HIVEP1: variants seen among roughly 807,000 people sequenced by gnomAD.
The protein encoded by HIVEP1 is zinc finger protein 40.
HIVEP1 carries 36 observed loss-of-function variants against 180.0 expected under a neutral mutation model. The observed-to-expected ratio is 0.20, with a 90% confidence interval of 0.15 to 0.26. The LOEUF is 0.26. Ranked by LOEUF, HIVEP1 falls within the 10% of genes least tolerant of loss-of-function variation. The pLI is 1.00. For missense variants in HIVEP1, 3,143 were observed against 3,268.7 expected, an observed-to-expected ratio of 0.96 and a Z score of 0.94; for synonymous variants, 1,239 against 1,239.0, an observed-to-expected ratio of 1.00 and a Z score of 0.00.
chr6:12,040,851 C>T (rs1460318647), intron 2 of HIVEP1, among the ~76,000 whole-genome samples: 1 of 150,248 alleles, frequency 6.7e-6, no homozygotes, highest in African/African-American at 2.5e-5. Context: ...GTAGGCACAT[C>T]GCATGGCAAG....
intron 7 of HIVEP1, among the ~76,000 whole-genome samples, chr6:12,143,685 A>G (rs1486274922): frequency 1.3e-5 from 2 of 152,264 alleles, no homozygotes; most frequent in African/African-American, 2.4e-5. Context: ...AACTTCAGCA[A>G]AGTCTCAGGA....
chr6:12,010,197 A>C (rs1396531572), upstream of HIVEP1, among the ~76,000 whole-genome samples: 1 of 152,248 alleles, frequency 6.6e-6, no homozygotes, highest in African/African-American at 2.4e-5. Context: ...AATGAAAATA[A>C]AAATTGCATT....
chr6:12,045,443 G>C (rs1307341817), intron 2 of HIVEP1, among the ~76,000 whole-genome samples: 1 of 152,240 alleles, frequency 6.6e-6, no homozygotes, highest in African/African-American at 2.4e-5. Context: ...CATCTCATGA[G>C]TTGGGCACAT....
chr6:12,072,166 G>GCT (rs1772016091), intron 2 of HIVEP1, among the ~76,000 whole-genome samples: 1 of 151,892 alleles, frequency 6.6e-6, no homozygotes, highest in Admixed American at 6.6e-5. Flanking sequence ...GGACCATGGT[G>GCT]CTCTGTCCCC....
chr6:12,124,302 G>A lies in HIVEP1; in HGVS notation c.4507G>A (p.Val1503Ile), dbSNP rs35413478. The A allele has an allele frequency of 2.1e-3, 3,347 of 1,613,938 alleles. 57 individuals carry two copies. The African/African-American group carries it at 0.036, about 17-fold the overall frequency. Reference protein sequence around the residue: ...AETSNSSSTNVFPVQQLCDIN... With the variant: ...AETSNSSSTNIFPVQQLCDIN... ...AACATCAAACTCCAGCTCTACCAAC[G>A]TTTTTCCTGTTCAACAGCTCTGTGA... Residue 1503 changes from valine to isoleucine, a missense_variant, in exon 4 of 9, where the codon GTT (valine) becomes ATT (isoleucine). Transcript: ENST00000379388.
chr6:12,145,531 AAAG>A (rs1360031225), intron 7 of HIVEP1, among the ~76,000 whole-genome samples: 4 of 151,760 alleles, frequency 2.6e-5, no homozygotes, highest in East Asian at 1.9e-4. Context: ...AAAAAAAAAA[AAAG>A]AACGCCCTCT....
At chr6:12,115,848 G>A (rs1051885306) in intron 3 of HIVEP1, among the ~76,000 whole-genome samples, 7 of 151,800 alleles carry the variant, frequency 4.6e-5, no homozygotes, top group South Asian at 2.1e-4. Context: ...GCAGAGGCTC[G>A]CGGGGGGTGC....
chr6:12,200,612 C>G, the HIVEP1 span, among the ~76,000 whole-genome samples: 1 of 152,164 alleles, frequency 6.6e-6, no homozygotes, highest in Non-Finnish European at 1.5e-5. Context: ...TTGGAGGTAG[C>G]TCTCTTTTAT....
intron 2 of HIVEP1, chr6:12,020,400 G>A: frequency 2.1e-6 from 1 of 471,164 alleles, no homozygotes; most frequent in South Asian, 1.5e-5. Context: ...GCACGGGGTG[G>A]CTCTTCCGCA....
intron 2 of HIVEP1, among the ~76,000 whole-genome samples, chr6:12,056,470 G>T (rs566173919): frequency 6.6e-6 from 1 of 152,264 alleles, no homozygotes; most frequent in African/African-American, 2.4e-5. Flanking sequence ...ATTTGAAAGT[G>T]TATTAAAGTT....
chr6:12,039,971 A>G (rs1179356823), intron 2 of HIVEP1, among the ~76,000 whole-genome samples: 1 of 152,182 alleles, frequency 6.6e-6, no homozygotes, highest in Non-Finnish European at 1.5e-5. Flanking sequence ...AGGACTCAAC[A>G]GCAGTGGAGT....
At chr6:12,071,475 CCTT>C (rs1259960177) in intron 2 of HIVEP1, among the ~76,000 whole-genome samples, 1 of 152,190 alleles carries the variant, frequency 6.6e-6, no homozygotes, top group Non-Finnish European at 1.5e-5. Flanking sequence ...CTATTTATAC[CCTT>C]CTTCATGTTC....
rs369525270 is a variant in HIVEP1 at position 12,125,919 on chromosome 6, T to A, written c.6075+49T>A. 50 of 1,097,232 alleles carry A rather than the reference T, an allele frequency of 4.6e-5. No individual in the cohort carries two copies. The African/African-American group carries it at 5.6e-4, about 12-fold the overall frequency. The allele number at this position is 1,097,232 out of a possible 1,614,324, so 68.0% of individuals were successfully genotyped here. A position where few individuals can be genotyped will look rare whatever the true frequency, so the allele number is the denominator to read the frequency against. On this transcript the variant is annotated intron_variant, in intron 4 of 8. Transcript: ENST00000379388. ...CAGATATGGTTTGCGCAAATTTGTT[T>A]CCATGTGTCTTGATACCTTTAAATA...
intron 7 of HIVEP1, among the ~76,000 whole-genome samples, chr6:12,155,321 G>A (rs890023291): frequency 2.0e-5 from 3 of 152,178 alleles, no homozygotes; most frequent in South Asian, 2.1e-4. Context: ...ACAGGTAAAC[G>A]TGTGCCATGG....
rs867030835 is a variant in HIVEP1 at position 12,020,217 on chromosome 6, T to G, written c.40+4549T>G. 5 of 434,846 alleles carry G rather than the reference T, an allele frequency of 1.1e-5. 1 individual carries two copies. The highest frequency in any genetic ancestry group is 7.1e-5 in the East Asian group (1 of 14,144). 26.9% of individuals were successfully genotyped at this position (434,846 alleles called of 1,614,324 possible). On this transcript the variant is annotated intron_variant, in intron 2 of 8. Coordinates refer to ENST00000379388, the MANE Select transcript of HIVEP1 (RefSeq NM_002114.4). Reference sequence around the variant, plus strand: ...TGGCCCAGCGTTAAACCAGATAGAATCAGTTCTCCATGCCTGTTTCCCATC... The same window carrying G: ...TGGCCCAGCGTTAAACCAGATAGAAGCAGTTCTCCATGCCTGTTTCCCATC...
At chr6:12,157,192 T>C (rs1478181935) in intron 7 of HIVEP1, among the ~76,000 whole-genome samples, 2 of 152,202 alleles carry the variant, frequency 1.3e-5, no homozygotes, top group Non-Finnish European at 2.9e-5. Flanking sequence ...AGCCTACTTA[T>C]GTCTTTATAT....
Position 12,123,519 on chromosome 6 carries a change from G to C in HIVEP1, c.3724G>C (p.Glu1242Gln). The change falls in exon 4 of 9, where the codon GAA (glutamate) becomes CAA (glutamine). Residue 1242 changes from glutamate to glutamine, a missense_variant. By Grantham distance (29) the Glu-to-Gln change is conservative (BLOSUM62 2). Transcript: ENST00000379388. ...IQVPEILVTE[E>Q]PDRDLEAQCH... ...AGTTCCAGAGATTTTGGTCACAGAA[G>C]AACCAGATCGAGACCTGGAAGCTCA... 1.2e-6 allele frequency: 2 copies of C among 1,614,144 alleles called. No individual in the cohort carries two copies. The highest frequency in any genetic ancestry group is 1.7e-6 in the Non-Finnish European group (2 of 1,180,026).
At position 12,161,451 on chromosome 6, in the gene HIVEP1, G is replaced by A; in HGVS notation, c.6500G>A (p.Arg2167Lys). The A allele has an allele frequency of 6.2e-7, 1 of 1,609,434 alleles. No individual in the cohort carries two copies. Among genetic ancestry groups the A allele is most frequent in the Non-Finnish European group, 8.5e-7 (1 of 1,176,378 alleles). The change falls in exon 8 of 9, where the codon AGA (arginine) becomes AAA (lysine). Residue 2167 changes from arginine (R) to lysine (K), a missense_variant. This residue lies in a region of HIVEP1 where 126 missense variants were observed against 168.5 expected (regional missense o/e 0.75). Coordinates refer to ENST00000379388, the MANE Select transcript of HIVEP1 (RefSeq NM_002114.4). ...QDTEESDEKQRFSYERSGYDL... is the reference protein window; with the variant it reads ...QDTEESDEKQKFSYERSGYDL... ...TTGTTTTTATTAGATGAAAAACAGA[G>A]ATTCAGTTATGAGCGATCTGGATAT...
intron 7 of HIVEP1, among the ~76,000 whole-genome samples, chr6:12,146,821 A>G (rs1161430453): frequency 6.6e-6 from 1 of 152,008 alleles, no homozygotes; most frequent in Non-Finnish European, 1.5e-5. Context: ...ATGTGTGCAC[A>G]ATTACTATCG....
Sources: allele counts gnomAD v4.1 joint callset (sites outside exome capture counted in the v4.1 genomes callset), GRCh38; gene constraint gnomAD v4.1.1; regional missense constraint gnomAD v4.1.1; transcripts MANE v1.5; gene names NCBI Gene and HGNC (gene_info 2026-07-23, HGNC 2026-07-21).